Variants in MFSD11 observed in about 807,000 individuals in gnomAD.
MFSD11 encodes major facilitator superfamily domain containing 11.
A neutral mutation model predicts 53.5 loss-of-function variants in MFSD11; 36 were observed. That is an observed-to-expected ratio of 0.67 (90% CI 0.52 to 0.89). The LOEUF (loss-of-function observed/expected upper bound fraction) is 0.89. Ranked by LOEUF, MFSD11 falls within the 40% of genes least tolerant of loss-of-function variation. The pLI is 0.00. For missense variants in MFSD11, 530 were observed against 543.9 expected (o/e 0.97, Z 0.25); for synonymous variants, 186 against 184.9 (o/e 1.01, Z -0.05).
chr17:76,787,566 C>T, the MFSD11 span, among the ~76,000 whole-genome samples: 80 of 150,228 alleles, frequency 5.3e-4, 9 homozygotes, highest in South Asian at 6.8e-3. Context: ...ACTTTTGGTC[C>T]TCCAAGAAAA....
chr17:76,737,562 CGCGA>C (rs1250421973), upstream of MFSD11: 1 of 248,528 alleles, frequency 4.0e-6, no homozygotes, highest in Non-Finnish European at 7.8e-6. Flanking sequence ...TTGGAAAGCC[CGCGA>C]AACGCTTTTT....
intron 8 of MFSD11, among the ~76,000 whole-genome samples, chr17:76,762,174 G>T (rs2144659253): frequency 6.6e-6 from 1 of 152,104 alleles, no homozygotes; most frequent in East Asian, 1.9e-4. Context: ...CTATAGATAT[G>T]CTTATTCTGG....
rs1374080710 is a variant in MFSD11 at position 76,766,469 on chromosome 17, T to C, written c.683-917T>C. ...ACCTAAATAAATAAATAAAATAAAA[T>C]GAACATGCTTTGCTAGTAGTTTTTT... On this transcript the variant is annotated intron_variant, in intron 8 of 12. Coordinates refer to ENST00000685175, the MANE Select transcript of MFSD11 (RefSeq NM_001242532.5). 2.0e-5 allele frequency among the ~76,000 whole-genome samples: 3 copies of C among 149,058 alleles called. No homozygotes were observed. The South Asian group carries it at 6.4e-4, about 32-fold the overall frequency.
rs144003983 is a variant in MFSD11, at chr17:76,771,278, C to T, written c.874+1407C>T. On this transcript the variant is annotated intron_variant, in intron 10 of 12. Transcript: ENST00000685175. The stretch of plus-strand genomic sequence containing the variant: ...CTCTTTCTGAATAACTAATGTCCCT[C>T]GTATCACTGAGGAAATTCCAGGCCT... 1.5e-3 allele frequency among the ~76,000 whole-genome samples: 235 copies of T among 152,306 alleles called. 4 individuals carry two copies. The East Asian group carries it at 0.027, about 17-fold the overall frequency.
chr17:76,744,288 C>G (rs377686285), intron 6 of MFSD11, 34 bp from the exon 7 acceptor site: 49 of 1,578,686 alleles, frequency 3.1e-5, no homozygotes, highest in Non-Finnish European at 4.1e-5. Context: ...ATTGTTTGGT[C>G]GATACTATCT....
At chr17:76,769,521 A>C in intron 9 of MFSD11, 1 of 356,400 alleles carries the variant, frequency 2.8e-6, no homozygotes, top group Non-Finnish European at 5.0e-6. Context: ...TTTGAGTTTC[A>C]ATATGTGAAT....
Position 76,738,297 on chromosome 17 carries a change from C to A in MFSD11, c.-56C>A. The stretch of plus-strand genomic sequence containing the variant: ...CTTTCTCCAGGATTGTCAGTGGCTT[C>A]GCCCCGAGGAGAGCTGACTGCCCTG... On this transcript the variant is annotated 5_prime_UTR_variant, in exon 1 of 13. Coordinates refer to ENST00000685175, the MANE Select transcript of MFSD11 (RefSeq NM_001242532.5). The A allele has an allele frequency of 8.6e-7, 1 of 1,157,770 alleles. No individual in the cohort carries two copies. The highest frequency in any genetic ancestry group is 1.3e-6 in the Non-Finnish European group (1 of 775,186). The allele number at this position is 1,157,770 out of a possible 1,614,324, so 71.7% of individuals were successfully genotyped here. A position where few individuals can be genotyped will look rare whatever the true frequency, so the allele number is the denominator to read the frequency against.
intron 10 of MFSD11, among the ~76,000 whole-genome samples, chr17:76,772,812 G>A (rs113576342): frequency 6.6e-6 from 1 of 152,224 alleles, no homozygotes; most frequent in Non-Finnish European, 1.5e-5. Flanking sequence ...CACTGCACCT[G>A]GCCCTCCTGT....
intron 8 of MFSD11, among the ~76,000 whole-genome samples, chr17:76,760,770 A>T (rs1598654583): frequency 6.6e-6 from 1 of 151,646 alleles, no homozygotes; most frequent in Non-Finnish European, 1.5e-5. Flanking sequence ...ACCTCAGGTG[A>T]TCTGTTCACC....
At chr17:76,795,319 C>CAAA in the MFSD11 span, among the ~76,000 whole-genome samples, 261 of 116,246 alleles carry the variant, frequency 2.2e-3, 2 homozygotes, top group African/African-American at 7.1e-3. Flanking sequence ...CTGTTTCTAC[C>CAAA]AAAAAAAAAA....
At position 76,778,595 on chromosome 17, in the gene MFSD11, A is replaced by G. The variant is rs1382842204; in HGVS notation, c.*243A>G. On this transcript the variant is annotated 3_prime_UTR_variant, in exon 13 of 13. Transcript: ENST00000685175. The stretch of plus-strand genomic sequence containing the variant: ...TAATTGTTCAAAGATGTTGTTTTTC[A>G]TTTCATCTATCTCAATTCTTATAAT... 2 of 437,250 alleles carry G rather than the reference A, an allele frequency of 4.6e-6. No homozygotes were observed. The highest frequency in any genetic ancestry group is 4.8e-5 in the South Asian group (1 of 20,728). 27.1% of individuals were successfully genotyped at this position (437,250 alleles called of 1,614,324 possible).
At chr17:76,773,104 G>A (rs1317864869) in intron 10 of MFSD11, 1 of 152,286 alleles carries the variant, frequency 6.6e-6, no homozygotes, top group Non-Finnish European at 1.5e-5. Context: ...CTCACTTTAT[G>A]TACTGATCAG....
intron 5 of MFSD11, 84 bp from the exon 6 acceptor site, chr17:76,743,314 C>T (rs1016731444): frequency 4.4e-6 from 4 of 912,558 alleles, no homozygotes; most frequent in Non-Finnish European, 6.6e-6. Flanking sequence ...TCTCTTACAA[C>T]AAATAATGGG....
At chr17:76,782,627 C>T (rs1665840422), downstream of MFSD11, among the ~76,000 whole-genome samples, 1 of 151,076 alleles carries the variant, frequency 6.6e-6, no homozygotes, top group Non-Finnish European at 1.5e-5. Context: ...TACAGGTGCA[C>T]ACCACCATGC....
At chr17:76,738,113 G>A, upstream of MFSD11, 1 of 507,660 alleles carries the variant, frequency 2.0e-6, no homozygotes, top group South Asian at 3.3e-5. Flanking sequence ...CGCTTCTCCG[G>A]GGGTTGTGCT....
At chr17:76,767,896 C>T (rs113973147) in intron 9 of MFSD11, among the ~76,000 whole-genome samples, 2,757 of 152,250 alleles carry the variant, frequency 0.018, 92 homozygotes, top group African/African-American at 0.061. Context: ...TGGAAGGATT[C>T]CACACAAGGT....
rs148997957 is a variant in MFSD11, at chr17:76,756,560, G to A, written c.682+2473G>A. Among the ~76,000 whole-genome samples the A allele has an allele frequency of 9.1e-3, 1,391 of 152,268 alleles. 20 individuals carry two copies. The highest frequency in any genetic ancestry group is 0.031 in the African/African-American group (1,290 of 41,552). On this transcript the variant is annotated intron_variant, in intron 8 of 12. Transcript: ENST00000685175. ...TCTTTGCAGGCCTAGAAACTTGTCT[G>A]TCAGAATACCCATTATTAGGCCGGG...
intron 1 of MFSD11, 80 bp downstream of exon 1, chr17:76,738,528 C>T (rs544790701): frequency 2.0e-6 from 2 of 976,488 alleles, no homozygotes; most frequent in Non-Finnish European, 3.1e-6. Context: ...TTCATTATAT[C>T]TAATAGCGCG....
At chr17:76,782,119 T>G (rs981002679), downstream of MFSD11, among the ~76,000 whole-genome samples, 2 of 151,844 alleles carry the variant, frequency 1.3e-5, no homozygotes, top group Admixed American at 1.3e-4. Context: ...CTATGCTTTT[T>G]TTTCTCCCCC....
Sources: gnomAD v4.1 joint callset for allele counts (sites outside exome capture counted in the v4.1 genomes callset) on GRCh38, gnomAD v4.1.1 for gene constraint, MANE v1.5 for transcripts, NCBI Gene and HGNC (gene_info 2026-07-23, HGNC 2026-07-21) for gene names.